Variants in FUBP3 observed in about 807,000 individuals in gnomAD.
FUBP3 encodes far upstream element-binding protein 3.
Under a neutral mutation model 85.6 loss-of-function variants are expected in FUBP3, and 28 were observed. That is an observed-to-expected ratio of 0.33 (90% CI 0.24 to 0.45). The LOEUF (loss-of-function observed/expected upper bound fraction) is 0.45. Among genes scored for constraint, FUBP3 ranks in the 20% least tolerant of loss-of-function variants. The pLI is 1.00. For synonymous variants in FUBP3, 271 were observed against 271.4 expected, an observed-to-expected ratio of 1.00 and a Z score of 0.01; for missense variants, 583 against 755.1, an observed-to-expected ratio of 0.77 and a Z score of 2.67.
intron 1 of FUBP3, among the ~76,000 whole-genome samples, chr9:130,591,401 C>T (rs927413085): frequency 2.0e-4 from 31 of 152,056 alleles, no homozygotes; most frequent in Admixed American, 1.8e-3. Context: ...CAAGAACCTC[C>T]TAGAGAATCA....
At chr9:130,606,545 G>T (rs1183855499) in intron 2 of FUBP3, among the ~76,000 whole-genome samples, 1 of 152,084 alleles carries the variant, frequency 6.6e-6, no homozygotes, top group African/African-American at 2.4e-5. Flanking sequence ...ATGTGGCCGG[G>T]CGCGGTGGCT....
chr9:130,636,860 C>G (rs1003941608), intron 18 of FUBP3, among the ~76,000 whole-genome samples, 154 bp from the exon 19 acceptor site: 1 of 152,116 alleles, frequency 6.6e-6, no homozygotes, highest in Non-Finnish European at 1.5e-5. Flanking sequence ...CTCTTCCCTG[C>G]CCCAAGTCCC....
chr9:130,609,368 C>T (rs1831626112), intron 2 of FUBP3, among the ~76,000 whole-genome samples: 1 of 141,472 alleles, frequency 7.1e-6, no homozygotes, highest in Non-Finnish European at 1.5e-5. Flanking sequence ...ATGGACTGCT[C>T]TGGTGGGTCC....
At chr9:130,593,113 C>T (rs1830707866) in intron 1 of FUBP3, among the ~76,000 whole-genome samples, 1 of 152,184 alleles carries the variant, frequency 6.6e-6, no homozygotes, top group African/African-American at 2.4e-5. Flanking sequence ...TTTTATGTAG[C>T]CAGCTCCTCA....
intron 2 of FUBP3, among the ~76,000 whole-genome samples, chr9:130,606,906 T>C (rs577947248): frequency 9.2e-5 from 14 of 151,564 alleles, no homozygotes; most frequent in Admixed American, 2.6e-4. Flanking sequence ...AAAAAAAAAA[T>C]GAAATCTTTT....
At chr9:130,592,725 T>G (rs1346982838) in intron 1 of FUBP3, among the ~76,000 whole-genome samples, 1 of 152,024 alleles carries the variant, frequency 6.6e-6, no homozygotes, top group Non-Finnish European at 1.5e-5. Context: ...TTATTTTTTG[T>G]AGAGATGGGG....
chr9:130,636,399 G>C (rs1225831796), intron 18 of FUBP3, among the ~76,000 whole-genome samples: 1 of 152,272 alleles, frequency 6.6e-6, no homozygotes, highest in African/African-American at 2.4e-5. Flanking sequence ...CCAGGCCCCA[G>C]ACCTCAGGGC....
rs1376006607 is a variant in FUBP3, at chr9:130,616,603, A to G, written c.567+86A>G. 6 of 1,310,224 alleles carry G rather than the reference A, an allele frequency of 4.6e-6. No homozygotes were observed. Among genetic ancestry groups the G allele is most frequent in the Non-Finnish European group, 6.5e-6 (6 of 920,586 alleles). 81.2% of individuals were successfully genotyped at this position (1,310,224 alleles called of 1,614,324 possible). ...CCCAGGAGATCTGCTTACGGCTGGC[A>G]TTCCCTGGCTGGGCTGGCTTTGTGC... On this transcript the variant is annotated intron_variant, in intron 7 of 18. Coordinates refer to ENST00000319725, the MANE Select transcript of FUBP3 (RefSeq NM_003934.2). The surrounding 1 kb of genome is among the most constrained non-coding windows in gnomAD (Gnocchi z 4.7).
Position 130,610,625 on chromosome 9 carries a change from C to T in FUBP3, c.224+638C>T, listed in dbSNP as rs1351964195. Among the ~76,000 whole-genome samples, 3 of 152,184 alleles carry T rather than the reference C, an allele frequency of 2.0e-5. No individual in the cohort carries two copies. The East Asian group carries it at 5.8e-4, about 29-fold the overall frequency. ...TGGGGTATGTGTGGTCATAGTGTAT[C>T]GCCCTTCAAACAGGGAAAAATATAC... is the stretch of plus-strand genomic sequence containing the variant. On this transcript the variant is annotated intron_variant, in intron 3 of 18. Transcript: ENST00000319725.
At chr9:130,599,608 A>G (rs930924755) in intron 2 of FUBP3, among the ~76,000 whole-genome samples, 1 of 152,080 alleles carries the variant, frequency 6.6e-6, no homozygotes, top group Non-Finnish European at 1.5e-5. Context: ...AAGAGCAGTC[A>G]CCAGTCACTC....
Position 130,626,648 on chromosome 9 carries a change from T to C in FUBP3, c.1117+143T>C, listed in dbSNP as rs148517870. 1,027 of 763,522 alleles carry C rather than the reference T, an allele frequency of 1.3e-3. 6 individuals are homozygous for C. In the African/African-American group the frequency reaches 0.015, roughly 11 times the overall value. 47.3% of individuals were successfully genotyped at this position (763,522 alleles called of 1,614,324 possible). Reference sequence around the variant, plus strand: ...CGGTCTGGAGGCAGTAGCCACCTTCTGCCGAAACCCTGCTTGGCATGGTTC... The same window carrying C: ...CGGTCTGGAGGCAGTAGCCACCTTCCGCCGAAACCCTGCTTGGCATGGTTC... On this transcript the variant is annotated intron_variant, in intron 12 of 18. Transcript: ENST00000319725.
intron 12 of FUBP3, 146 bp downstream of exon 12, chr9:130,626,651 C>T (rs1202545779): frequency 1.2e-5 from 9 of 737,648 alleles, no homozygotes; most frequent in Admixed American, 2.8e-5. Flanking sequence ...CACCTTCTGC[C>T]GAAACCCTGC....
intron 16 of FUBP3, among the ~76,000 whole-genome samples, chr9:130,634,416 G>A (rs1830336407): frequency 1.3e-5 from 2 of 152,346 alleles, no homozygotes; most frequent in Non-Finnish European, 2.9e-5. Flanking sequence ...TCAAGCTTGC[G>A]TCTCCATCTG....
At chr9:130,590,498 A>T (rs1466751469) in intron 1 of FUBP3, among the ~76,000 whole-genome samples, 1 of 152,186 alleles carries the variant, frequency 6.6e-6, no homozygotes, top group Non-Finnish European at 1.5e-5. Context: ...CCTCCCCCTG[A>T]AAAGGGGGAA....
chr9:130,602,941 T>G (rs1252274401), intron 2 of FUBP3, among the ~76,000 whole-genome samples: 1 of 152,142 alleles, frequency 6.6e-6, no homozygotes, highest in Non-Finnish European at 1.5e-5. Context: ...TTCCCCACTT[T>G]TGGTGTACAG....
At chr9:130,617,690 G>C in intron 7 of FUBP3, 107 bp from the exon 8 acceptor site, 1 of 787,038 alleles carries the variant, frequency 1.3e-6, no homozygotes, top group South Asian at 1.4e-5. Context: ...CCTGGTGGTA[G>C]GTGGGATGTG....
intron 11 of FUBP3, 152 bp downstream of exon 11, chr9:130,623,863 C>T (rs1829859574): frequency 2.1e-6 from 1 of 477,648 alleles, no homozygotes; most frequent in South Asian, 3.6e-5. Context: ...AGCCTCTTTC[C>T]TGCCTTCTTG....
At chr9:130,636,920 C>T in intron 18 of FUBP3, 94 bp from the exon 19 acceptor site, 3 of 1,052,174 alleles carry the variant, frequency 2.9e-6, no homozygotes, top group South Asian at 2.5e-5. Context: ...TTGTCTGGCC[C>T]AGCTCCCGTG....
intron 1 of FUBP3, among the ~76,000 whole-genome samples, chr9:130,587,576 A>C (rs931128768): frequency 3.9e-5 from 6 of 152,172 alleles, no homozygotes; most frequent in African/African-American, 1.4e-4. Flanking sequence ...TTTAATGAGC[A>C]CCTTCTCTGT....
Sources: allele counts gnomAD v4.1 joint callset (sites outside exome capture counted in the v4.1 genomes callset), GRCh38; gene constraint gnomAD v4.1.1; non-coding constraint Gnocchi (gnomAD v3.1); transcripts MANE v1.5; gene names NCBI Gene and HGNC (gene_info 2026-07-23, HGNC 2026-07-21).